Variants in PRKN observed in about 807,000 individuals in gnomAD.
The protein encoded by PRKN is parkin RBR E3 ubiquitin protein ligase, also known as E3 ubiquitin-protein ligase parkin.
Under a neutral mutation model 59.5 loss-of-function variants are expected in PRKN, and 56 were observed. The observed-to-expected ratio is 0.94, with a 90% CI of 0.76 to 1.18. The LOEUF (loss-of-function observed/expected upper bound fraction) is 1.18, where lower values mean the gene tolerates loss of function less well. PRKN is among the 50% of genes most tolerant of loss of function. The probability of loss-of-function intolerance (pLI) is 0.00; values close to 1 mark genes in which losing one functional copy is unlikely to be tolerated. For synonymous variants in PRKN, 250 were observed against 222.1 expected (o/e 1.13, Z -1.12); for missense variants, 657 against 596.4 (o/e 1.10, Z -1.06).
intron 1 of PRKN, among the ~76,000 whole-genome samples, chr6:162,550,547 AG>A (rs922249206): frequency 6.6e-5 from 10 of 152,156 alleles, no homozygotes; most frequent in African/African-American, 2.2e-4. Flanking sequence ...AGACTCTCCT[AG>A]GGGTATGTAA....
At chr6:162,053,750 C>T (rs1476225930) in intron 5 of PRKN, among the ~76,000 whole-genome samples, 1 of 152,084 alleles carries the variant, frequency 6.6e-6, no homozygotes, top group Non-Finnish European at 1.5e-5. Context: ...AGGTGAATCT[C>T]ATGCTTCTGT....
chr6:161,435,448 C>G (rs911303175), intron 9 of PRKN, among the ~76,000 whole-genome samples: 3 of 152,098 alleles, frequency 2.0e-5, no homozygotes, highest in South Asian at 4.1e-4. Context: ...TGAGCTTCTA[C>G]TTTGTGCAGA....
chr6:162,060,066 A>G (rs114892818), intron 4 of PRKN, among the ~76,000 whole-genome samples: 1,724 of 152,322 alleles, frequency 0.011, 31 homozygotes, highest in African/African-American at 0.04. Flanking sequence ...TATCACGTTT[A>G]CTGTCGGGCC....
intron 1 of PRKN, among the ~76,000 whole-genome samples, chr6:162,716,277 A>C (rs1304289177): frequency 6.6e-6 from 1 of 152,252 alleles, no homozygotes; most frequent in Non-Finnish European, 1.5e-5. Flanking sequence ...TTTCTGTTAA[A>C]ACTGCCTCAA....
chr6:161,696,229 G>C (rs1000963733), intron 7 of PRKN, among the ~76,000 whole-genome samples: 1 of 152,116 alleles, frequency 6.6e-6, no homozygotes, highest in Non-Finnish European at 1.5e-5. Flanking sequence ...ATAGTTAAGA[G>C]ACCCCATTCT....
chr6:161,438,197 A>G (rs1168350656), intron 9 of PRKN, among the ~76,000 whole-genome samples: 3 of 150,818 alleles, frequency 2.0e-5, no homozygotes, highest in Non-Finnish European at 4.4e-5. Context: ...AAATTCACTT[A>G]CAGGGAGAAT....
chr6:161,782,929 A>G (rs1406285713), intron 7 of PRKN, among the ~76,000 whole-genome samples: 1 of 152,124 alleles, frequency 6.6e-6, no homozygotes, highest in East Asian at 1.9e-4. Context: ...AATTTAAAAA[A>G]AAGCAATGAG....
chr6:161,857,032 C>A (rs1335855491), intron 6 of PRKN, among the ~76,000 whole-genome samples: 16 of 149,732 alleles, frequency 1.1e-4, no homozygotes, highest in Middle Eastern at 3.5e-3. Context: ...GAGTTCAAGA[C>A]CAGCCTGGCC....
chr6:162,432,435 AGAATCGCTT>A (rs1374700234), intron 2 of PRKN, among the ~76,000 whole-genome samples: 1 of 152,140 alleles, frequency 6.6e-6, no homozygotes, highest in African/African-American at 2.4e-5. Flanking sequence ...CTGAGGCAGG[AGAATCGCTT>A]GAATCCAAGA....
intron 9 of PRKN, among the ~76,000 whole-genome samples, chr6:161,437,602 C>T (rs1788985814): frequency 6.6e-6 from 1 of 152,128 alleles, no homozygotes; most frequent in Non-Finnish European, 1.5e-5. Flanking sequence ...AAAAGGGGCC[C>T]CCTTTGGCTT....
intron 4 of PRKN, among the ~76,000 whole-genome samples, chr6:162,155,995 C>T (rs778849862): frequency 3.8e-4 from 58 of 152,014 alleles, no homozygotes; most frequent in Non-Finnish European, 6.5e-4. Context: ...TCCAAACAGA[C>T]AAAATTCAGG....
intron 4 of PRKN, among the ~76,000 whole-genome samples, chr6:162,094,981 A>C (rs1041123686): frequency 6.6e-6 from 1 of 152,148 alleles, no homozygotes; most frequent in African/African-American, 2.4e-5. Flanking sequence ...TGATAGGTAG[A>C]TAGATGCCAG....
chr6:161,491,922 G>A (rs372359092), intron 9 of PRKN, among the ~76,000 whole-genome samples: 9 of 152,166 alleles, frequency 5.9e-5, no homozygotes, highest in African/African-American at 1.2e-4. Context: ...GTGAGCCACC[G>A]TGCCCGGCCT....
intron 7 of PRKN, among the ~76,000 whole-genome samples, chr6:161,633,140 C>T (rs1368646339): frequency 6.6e-6 from 1 of 152,008 alleles, no homozygotes; most frequent in South Asian, 2.1e-4. Flanking sequence ...TATGAAATAC[C>T]TTTCAGAAAA....
chr6:161,940,408 C>T (rs1444896618), intron 6 of PRKN, among the ~76,000 whole-genome samples: 1 of 152,146 alleles, frequency 6.6e-6, no homozygotes, highest in African/African-American at 2.4e-5. Context: ...CAAGGTGGTG[C>T]CTCCATGGCT....
intron 2 of PRKN, among the ~76,000 whole-genome samples, chr6:162,358,093 T>A (rs1040949699): frequency 6.6e-6 from 1 of 152,204 alleles, no homozygotes; most frequent in African/African-American, 2.4e-5. Flanking sequence ...TCAATATTGC[T>A]TCACCAATTT....
chr6:161,798,329 G>A (rs1297473489), intron 6 of PRKN, among the ~76,000 whole-genome samples: 3 of 152,310 alleles, frequency 2.0e-5, no homozygotes, highest in African/African-American at 4.8e-5. Flanking sequence ...TGGTGGTTGA[G>A]CGAGGTTTGT....
At chr6:162,027,582 A>G (rs1401925869) in intron 5 of PRKN, among the ~76,000 whole-genome samples, 1 of 152,196 alleles carries the variant, frequency 6.6e-6, no homozygotes, top group Non-Finnish European at 1.5e-5. Flanking sequence ...AGCTCATGTC[A>G]CTTCATCTGT....
chr6:162,639,017 T>C (rs1455259762), intron 1 of PRKN, among the ~76,000 whole-genome samples: 4 of 152,134 alleles, frequency 2.6e-5, no homozygotes, highest in African/African-American at 9.6e-5. Flanking sequence ...CATATCTCTA[T>C]GCTTCTGTGA....
Sources: gnomAD v4.1 joint callset for allele counts (sites outside exome capture counted in the v4.1 genomes callset) on GRCh38, gnomAD v4.1.1 for gene constraint, MANE v1.5 for transcripts, NCBI Gene and HGNC (gene_info 2026-07-23, HGNC 2026-07-21) for gene names.